The following RNF149 variants were observed in gnomAD, a reference collection of about 807,000 sequenced individuals.
RNF149 encodes the protein E3 ubiquitin-protein ligase RNF149.
A neutral mutation model predicts 39.0 loss-of-function variants in RNF149; 21 were observed. The observed-to-expected ratio is 0.54, with a 90% CI of 0.38 to 0.77. The LOEUF is 0.77. Among genes scored for constraint, RNF149 ranks in the 30% least tolerant of loss-of-function variants. RNF149 has a pLI of 0.00. For synonymous variants in RNF149, 209 were observed against 213.6 expected, an observed-to-expected ratio of 0.98 and a Z score of 0.19; for missense variants, 493 against 534.9, an observed-to-expected ratio of 0.92 and a Z score of 0.77.
chr2:101,293,229 T>C (rs1683090617), intron 3 of RNF149, among the ~76,000 whole-genome samples: 1 of 152,126 alleles, frequency 6.6e-6, no homozygotes, highest in Non-Finnish European at 1.5e-5. Flanking sequence ...CATAAGTGCA[T>C]GTACTCTTTC....
At chr2:101,303,462 G>C (rs187346153) in intron 1 of RNF149, among the ~76,000 whole-genome samples, 19 of 152,082 alleles carry the variant, frequency 1.2e-4, no homozygotes, top group Non-Finnish European at 2.5e-4. Flanking sequence ...TAAATTTTTC[G>C]ATCATTTGTG....
In RNF149 at chr2:101,277,209, T is replaced by C; in HGVS notation, c.*29A>G. ...TGTCCTTTAGTTCAAGCCAAACTTC[T>C]GTTGGTGCCACTTCAGTGGGCACGT... On this transcript the variant is annotated 3_prime_UTR_variant, in exon 7 of 7. Coordinates refer to ENST00000295317, the MANE Select transcript of RNF149 (RefSeq NM_173647.4). The C allele has an allele frequency of 6.2e-7, 1 of 1,612,816 alleles. No individual in the cohort carries two copies. Among genetic ancestry groups the C allele is most frequent in the Non-Finnish European group, 8.5e-7 (1 of 1,179,326 alleles).
In RNF149 at chr2:101,294,921, C is replaced by T. The variant is rs1573247315; in HGVS notation, c.711+10G>A. The T allele has an allele frequency of 6.3e-7, 1 of 1,597,050 alleles. No homozygotes were observed. The highest frequency in any genetic ancestry group is 8.6e-7 in the Non-Finnish European group (1 of 1,167,732). ...TTTAAAAAGCAAAATTCAGAGTTATCCATCATTACCTGACTTCCAATCTGA... is the reference window on the plus strand; with the variant it reads ...TTTAAAAAGCAAAATTCAGAGTTATTCATCATTACCTGACTTCCAATCTGA... On this transcript the variant is annotated intron_variant, in intron 2 of 6. Coordinates refer to ENST00000295317, the MANE Select transcript of RNF149 (RefSeq NM_173647.4).
chr2:101,291,157 A>T (rs1281005444), intron 3 of RNF149, among the ~76,000 whole-genome samples: 4 of 148,098 alleles, frequency 2.7e-5, no homozygotes, highest in Non-Finnish European at 4.5e-5. Flanking sequence ...TAATTAATTA[A>T]TTTTTTTTTT....
downstream of RNF149, among the ~76,000 whole-genome samples, chr2:101,275,431 CTTTTTTTTTTTTTTTTTTT>C (rs59154104): frequency 3.8e-5 from 1 of 26,580 alleles, no homozygotes; most frequent in Non-Finnish European, 6.4e-5. Flanking sequence ...CCTAGTATTT[CTTTTTTTTTTTTTTTTTTT>C]TTTTTTTTTG....
chr2:101,299,154 T>C (rs901927628), intron 1 of RNF149, among the ~76,000 whole-genome samples: 1 of 152,220 alleles, frequency 6.6e-6, no homozygotes, highest in Non-Finnish European at 1.5e-5. Flanking sequence ...AGACTCTGTC[T>C]CAAAACCAAA....
At chr2:101,271,783 T>C (rs1682138347), downstream of RNF149, 1 of 152,162 alleles carries the variant, frequency 6.6e-6, no homozygotes, top group South Asian at 2.1e-4. Context: ...CATCTTAGGG[T>C]AGAAAGCAGT....
chr2:101,271,294 A>G (rs879663152), downstream of RNF149: 5 of 152,206 alleles, frequency 3.3e-5, no homozygotes, highest in Non-Finnish European at 7.3e-5. Flanking sequence ...ACATTTTATA[A>G]AACAGATTTA....
chr2:101,275,433 T>TAAAGACAAAGAGCAAACAATC (rs1682304123), downstream of RNF149, among the ~76,000 whole-genome samples: 4 of 33,820 alleles, frequency 1.2e-4, no homozygotes, highest in African/African-American at 4.3e-4. Flanking sequence ...TAGTATTTCT[T>TAAAGACAAAGAGCAAACAATC]TTTTTTTTTT....
chr2:101,277,203 A>C lies in RNF149; in HGVS notation c.*35T>G. The stretch of plus-strand genomic sequence containing the variant: ...ATAAAATGTCCTTTAGTTCAAGCCA[A>C]ACTTCTGTTGGTGCCACTTCAGTGG... On this transcript the variant is annotated 3_prime_UTR_variant, in exon 7 of 7. Transcript: ENST00000295317. 1.2e-6 allele frequency: 2 copies of C among 1,612,524 alleles called. No homozygotes were observed. The highest frequency in any genetic ancestry group is 1.7e-6 in the Non-Finnish European group (2 of 1,179,162).
intron 1 of RNF149, among the ~76,000 whole-genome samples, chr2:101,300,038 G>C (rs901374325): frequency 6.6e-6 from 1 of 152,214 alleles, no homozygotes; most frequent in Non-Finnish European, 1.5e-5. Context: ...TACAAAATGG[G>C]AATGAGAATG....
chr2:101,282,898 C>T (rs556531176), intron 5 of RNF149, among the ~76,000 whole-genome samples: 2 of 152,222 alleles, frequency 1.3e-5, no homozygotes, highest in Non-Finnish European at 2.9e-5. Flanking sequence ...TCCTGCCTCA[C>T]CAGTAACGTA....
chr2:101,274,255 TAAA>T (rs1458675834), downstream of RNF149, among the ~76,000 whole-genome samples: 2 of 152,092 alleles, frequency 1.3e-5, no homozygotes, highest in Non-Finnish European at 2.9e-5. Flanking sequence ...GCAGGGCAGA[TAAA>T]AAACTGGGAA....
chr2:101,294,844 T>C, intron 2 of RNF149, 87 bp downstream of exon 2: 2 of 1,094,556 alleles, frequency 1.8e-6, no homozygotes, highest in Non-Finnish European at 2.6e-6. Flanking sequence ...ATCAAGATTA[T>C]GGTCAAATGT....
intron 1 of RNF149, among the ~76,000 whole-genome samples, chr2:101,305,924 G>C (rs1263134142): frequency 6.6e-6 from 1 of 152,216 alleles, no homozygotes; most frequent in Non-Finnish European, 1.5e-5. Context: ...TGTGTGGGCT[G>C]TGTCTGCAGA....
intron 3 of RNF149, among the ~76,000 whole-genome samples, chr2:101,289,588 C>T (rs939753658): frequency 5.9e-5 from 9 of 151,720 alleles, no homozygotes; most frequent in Admixed American, 4.6e-4. Context: ...GCCTGTAGTC[C>T]CAGCTACTCA....
downstream of RNF149, among the ~76,000 whole-genome samples, chr2:101,274,016 T>C (rs2104377825): frequency 6.6e-6 from 1 of 151,420 alleles, no homozygotes; most frequent in African/African-American, 2.4e-5. Context: ...TCTGTAATTA[T>C]CAAAAACAAT....
At chr2:101,294,827 A>T (rs1683156356) in intron 2 of RNF149, 104 bp downstream of exon 2, 10 of 960,374 alleles carry the variant, frequency 1.0e-5, no homozygotes, top group Non-Finnish European at 1.6e-5. Context: ...AAATAATATA[A>T]GCGAAAATCA....
intron 1 of RNF149, among the ~76,000 whole-genome samples, chr2:101,297,328 C>A (rs1558791316): frequency 6.6e-6 from 1 of 152,094 alleles, no homozygotes; most frequent in Non-Finnish European, 1.5e-5. Context: ...AGTTGATTTG[C>A]AGAAAAGAAA....
Sources: gnomAD v4.1 joint callset for allele counts (sites outside exome capture counted in the v4.1 genomes callset) on GRCh38, gnomAD v4.1.1 for gene constraint, MANE v1.5 for transcripts, NCBI Gene and HGNC (gene_info 2026-07-23, HGNC 2026-07-21) for gene names.